Variants in ADK observed in about 807,000 individuals in gnomAD.
ADK encodes the protein adenosine kinase.
In ADK, 24 loss-of-function variants were observed where a neutral mutation model predicts 44.7. That is an observed-to-expected ratio of 0.54 (90% CI 0.39 to 0.76). The LOEUF is 0.76. ADK is among the 30% of genes least tolerant of loss of function. The pLI is 0.00. For synonymous variants in ADK, 128 were observed against 142.6 expected, an observed-to-expected ratio of 0.90 and a Z score of 0.73; for missense variants, 321 against 425.1, an observed-to-expected ratio of 0.76 and a Z score of 2.15.
intron 1 of ADK, among the ~76,000 whole-genome samples, chr10:74,187,349 A>G (rs1842797297): frequency 6.6e-6 from 1 of 152,352 alleles, no homozygotes; most frequent in East Asian, 1.9e-4. Flanking sequence ...TATTATGAAC[A>G]ATGGTGCTAT....
chr10:74,405,589 GGT>G (rs1843891636), intron 6 of ADK, among the ~76,000 whole-genome samples: 2 of 151,696 alleles, frequency 1.3e-5, no homozygotes, highest in Non-Finnish European at 2.9e-5. Flanking sequence ...TTCTTATAGG[GGT>G]GCAAATCCTA....
chr10:74,255,731 A>G (rs1845799993), intron 3 of ADK, among the ~76,000 whole-genome samples: 2 of 152,240 alleles, frequency 1.3e-5, no homozygotes, highest in Non-Finnish European at 2.9e-5. Context: ...TCTAGCATTT[A>G]GATACTAAAA....
At chr10:74,707,290 C>T (rs1856637225) in intron 10 of ADK, among the ~76,000 whole-genome samples, 1 of 152,178 alleles carries the variant, frequency 6.6e-6, no homozygotes. Context: ...CCCATCTTGG[C>T]CTCTCAGAGT....
chr10:74,244,813 A>G (rs1271775914), intron 3 of ADK, among the ~76,000 whole-genome samples: 1 of 152,206 alleles, frequency 6.6e-6, no homozygotes, highest in East Asian at 1.9e-4. Context: ...TTTTTGTATT[A>G]GGAAGAGGGC....
chr10:74,288,188 A>G (rs1203293245), intron 3 of ADK, among the ~76,000 whole-genome samples: 1 of 152,056 alleles, frequency 6.6e-6, no homozygotes, highest in East Asian at 1.9e-4. Context: ...GGCTTACATT[A>G]TTTGGGGAGG....
At chr10:74,174,992 A>G (rs745420157) in intron 1 of ADK, among the ~76,000 whole-genome samples, 1 of 152,236 alleles carries the variant, frequency 6.6e-6, no homozygotes, top group African/African-American at 2.4e-5. Context: ...TAATTATTCT[A>G]TCACAGGGAC....
At chr10:74,452,461 T>G (rs1845811454) in intron 6 of ADK, among the ~76,000 whole-genome samples, 1 of 152,052 alleles carries the variant, frequency 6.6e-6, no homozygotes, top group African/African-American at 2.4e-5. Context: ...TAAACATCAT[T>G]GAAGCCATGA....
At chr10:74,311,377 T>C (rs1434480875) in intron 3 of ADK, among the ~76,000 whole-genome samples, 9 of 152,210 alleles carry the variant, frequency 5.9e-5, no homozygotes, top group Non-Finnish European at 1.2e-4. Flanking sequence ...ATTTGAAGAC[T>C]TCTAATTTTG....
chr10:74,155,068 A>G (rs1244626643), intron 1 of ADK, among the ~76,000 whole-genome samples: 1 of 152,234 alleles, frequency 6.6e-6, no homozygotes, highest in Non-Finnish European at 1.5e-5. Context: ...AACAAACTAC[A>G]GTTCTCTAAT....
intron 3 of ADK, among the ~76,000 whole-genome samples, chr10:74,261,709 A>G (rs992611840): frequency 2.0e-5 from 3 of 152,172 alleles, no homozygotes; most frequent in African/African-American, 7.2e-5. Flanking sequence ...AGTGTTTCCT[A>G]TGTGAAGTTT....
chr10:74,155,774 C>T (rs1256891773), intron 1 of ADK, among the ~76,000 whole-genome samples: 1 of 151,984 alleles, frequency 6.6e-6, no homozygotes, highest in Non-Finnish European at 1.5e-5. Context: ...ACCTCGTGAT[C>T]CACCCGCCTC....
intron 9 of ADK, among the ~76,000 whole-genome samples, chr10:74,649,051 G>A (rs1246860722): frequency 5.3e-5 from 8 of 151,630 alleles, no homozygotes; most frequent in African/African-American, 1.7e-4. Flanking sequence ...GTGGTGGCAC[G>A]CAGCCTGTAG....
At chr10:74,385,105 G>A (rs909792202) in intron 4 of ADK, among the ~76,000 whole-genome samples, 2 of 152,148 alleles carry the variant, frequency 1.3e-5, no homozygotes, top group Admixed American at 1.3e-4. Flanking sequence ...TGTGATGGTT[G>A]CACAGCTATG....
intron 4 of ADK, among the ~76,000 whole-genome samples, chr10:74,325,881 A>T (rs1011847076): frequency 3.3e-5 from 5 of 151,634 alleles, no homozygotes; most frequent in Non-Finnish European, 7.4e-5. Flanking sequence ...TTTAAGACAG[A>T]GTCTCTCTCT....
At chr10:74,445,157 G>A (rs559535149) in intron 6 of ADK, among the ~76,000 whole-genome samples, 4 of 151,522 alleles carry the variant, frequency 2.6e-5, no homozygotes, top group South Asian at 2.1e-4. Context: ...AAATTTTCTC[G>A]CCCTATTCTC....
chr10:74,548,600 G>A lies in ADK; in HGVS notation c.726+23174G>A, dbSNP rs904839926. On this transcript the variant is annotated intron_variant, in intron 7 of 10. Coordinates refer to ENST00000539909, the MANE Select transcript of ADK (RefSeq NM_006721.4). ...AACCCTACCAGTGGTTTGAGTATTC[G>A]GGAAGACTTCATGGTAGAGATAAAG... Among the ~76,000 whole-genome samples, 6 of 152,200 alleles carry A rather than the reference G, an allele frequency of 3.9e-5. No homozygotes were observed. The East Asian group carries it at 7.7e-4, about 20-fold the overall frequency.
At chr10:74,459,734 AAAAAAAAAG>A (rs1324305152) in intron 6 of ADK, among the ~76,000 whole-genome samples, 10 of 146,738 alleles carry the variant, frequency 6.8e-5, no homozygotes, top group African/African-American at 2.0e-4. Context: ...TCTCAAAAAA[AAAAAAAAAG>A]AAAAAAAAGA....
At chr10:74,525,932 G>T (rs1849022221) in intron 7 of ADK, among the ~76,000 whole-genome samples, 1 of 152,132 alleles carries the variant, frequency 6.6e-6, no homozygotes, top group Admixed American at 6.5e-5. Context: ...TAGGATTACA[G>T]GTATGAGCCA....
At chr10:74,264,703 C>CT (rs1591953535) in intron 3 of ADK, among the ~76,000 whole-genome samples, 1 of 152,252 alleles carries the variant, frequency 6.6e-6, no homozygotes, top group East Asian at 1.9e-4. Flanking sequence ...ACTTCCTACT[C>CT]TAAGGTCAGA....
Sources: gnomAD v4.1 joint callset for allele counts (sites outside exome capture counted in the v4.1 genomes callset) on GRCh38, gnomAD v4.1.1 for gene constraint, MANE v1.5 for transcripts, NCBI Gene and HGNC (gene_info 2026-07-23, HGNC 2026-07-21) for gene names.